The following LRRC36 variants were observed in gnomAD, a reference collection of about 807,000 sequenced individuals.
LRRC36 encodes leucine-rich repeat-containing protein 36.
In LRRC36, 62 loss-of-function variants were observed where a neutral mutation model predicts 81.1. The observed-to-expected ratio is 0.76, with a 90% confidence interval of 0.62 to 0.94. LRRC36 has a LOEUF of 0.94. Ranked by LOEUF, LRRC36 falls within the 40% of genes least tolerant of loss-of-function variation. LRRC36 has a pLI of 0.00. For missense variants in LRRC36, 761 were observed against 881.7 expected (o/e 0.86, Z 1.73); for synonymous variants, 334 against 348.6 (o/e 0.96, Z 0.47).
intron 1 of LRRC36, among the ~76,000 whole-genome samples, chr16:67,332,964 T>C (rs2037570855): frequency 6.6e-6 from 1 of 151,992 alleles, no homozygotes; most frequent in South Asian, 2.1e-4. Context: ...TGATCATGGC[T>C]CACTGCAGTC....
In LRRC36 at chr16:67,326,845, G is replaced by C; in HGVS notation, c.-18G>C. 2 of 1,428,522 alleles carry C rather than the reference G, an allele frequency of 1.4e-6. No individual in the cohort carries two copies. The highest frequency in any genetic ancestry group is 9.1e-7 in the Non-Finnish European group (1 of 1,100,410). The allele number at this position is 1,428,522 out of a possible 1,614,324, so 88.5% of individuals were successfully genotyped here. A position where few individuals can be genotyped will look rare whatever the true frequency, so the allele number is the denominator to read the frequency against. On this transcript the variant is annotated 5_prime_UTR_variant, in exon 1 of 14. Coordinates refer to ENST00000329956, the MANE Select transcript of LRRC36 (RefSeq NM_018296.6). The stretch of plus-strand genomic sequence containing the variant: ...CCGGGTGGTCTCGCGGGCGGTGGCA[G>C]GTGAGCGGCGGGCGGGGATGGCGGA...
chr16:67,363,058 C>G (rs994865901), intron 5 of LRRC36, among the ~76,000 whole-genome samples: 2 of 152,154 alleles, frequency 1.3e-5, no homozygotes, highest in Admixed American at 6.5e-5. Context: ...GCTGGGATTA[C>G]AGGCGTGAGC....
intron 1 of LRRC36, among the ~76,000 whole-genome samples, chr16:67,335,083 T>C (rs993358486): frequency 1.3e-5 from 2 of 152,196 alleles, no homozygotes; most frequent in African/African-American, 4.8e-5. Flanking sequence ...CGCATTGTCA[T>C]TGATAACATC....
chr16:67,368,794 A>G (rs1204659421), intron 8 of LRRC36, among the ~76,000 whole-genome samples: 1 of 152,176 alleles, frequency 6.6e-6, no homozygotes, highest in Non-Finnish European at 1.5e-5. Context: ...CTAGACAGAT[A>G]GCGGTGGAGG....
intron 5 of LRRC36, among the ~76,000 whole-genome samples, chr16:67,357,001 C>G (rs1250400375): frequency 6.6e-6 from 1 of 152,092 alleles, no homozygotes; most frequent in Non-Finnish European, 1.5e-5. Flanking sequence ...GTGAGGCATG[C>G]TTAAACGTGT....
chr16:67,360,322 G>A (rs191995590), intron 5 of LRRC36, among the ~76,000 whole-genome samples: 1 of 152,264 alleles, frequency 6.6e-6, no homozygotes, highest in East Asian at 1.9e-4. Context: ...AGTTCAGGCG[G>A]TAGGGGATTT....
intron 5 of LRRC36, among the ~76,000 whole-genome samples, chr16:67,362,927 G>A (rs148816880): frequency 0.027 from 4,064 of 152,020 alleles, 93 homozygotes; most frequent in South Asian, 0.063. Context: ...ATAGGCGCGC[G>A]CCACCACTCC....
chr16:67,342,293 A>G (rs1168001187), intron 2 of LRRC36, among the ~76,000 whole-genome samples: 1 of 152,186 alleles, frequency 6.6e-6, no homozygotes, highest in East Asian at 1.9e-4. Context: ...TTTATTTTAT[A>G]CTCTCGGAAA....
At chr16:67,327,115 A>C in intron 1 of LRRC36, 183 bp downstream of exon 1, 1 of 526,774 alleles carries the variant, frequency 1.9e-6, no homozygotes, top group Non-Finnish European at 3.2e-6. Context: ...AGGTGGAGGA[A>C]CTGAAGTAAC....
intron 2 of LRRC36, among the ~76,000 whole-genome samples, chr16:67,345,591 T>C (rs547359760): frequency 1.3e-5 from 2 of 152,156 alleles, no homozygotes; most frequent in East Asian, 3.9e-4. Flanking sequence ...ACTGACTGAT[T>C]GATTAAATGG....
At chr16:67,381,552 C>T (rs1447040100) in intron 12 of LRRC36, among the ~76,000 whole-genome samples, 1 of 152,166 alleles carries the variant, frequency 6.6e-6, no homozygotes, top group Non-Finnish European at 1.5e-5. Flanking sequence ...ATTGAATCCT[C>T]ATAACAGGGC....
At chr16:67,363,183 A>G (rs1268952560) in intron 5 of LRRC36, among the ~76,000 whole-genome samples, 2 of 152,200 alleles carry the variant, frequency 1.3e-5, no homozygotes, top group Non-Finnish European at 2.9e-5. Context: ...GGAGATGTAT[A>G]ATGCCAGGAG....
At chr16:67,363,971 G>A (rs1210236585) in intron 6 of LRRC36, among the ~76,000 whole-genome samples, 1 of 152,020 alleles carries the variant, frequency 6.6e-6, no homozygotes, top group African/African-American at 2.4e-5. Context: ...ATCTATGAAA[G>A]GCATTTTGGT....
At chr16:67,373,217 A>T (rs1249533720) in intron 9 of LRRC36, among the ~76,000 whole-genome samples, 1 of 152,204 alleles carries the variant, frequency 6.6e-6, no homozygotes, top group African/African-American at 2.4e-5. Context: ...AAACAAATAA[A>T]TAAATGTTAA....
chr16:67,364,351 C>T (rs1283804679), intron 6 of LRRC36, among the ~76,000 whole-genome samples: 1 of 152,186 alleles, frequency 6.6e-6, no homozygotes, highest in Non-Finnish European at 1.5e-5. Flanking sequence ...ACTTTATATT[C>T]ACCTTCTCCC....
In LRRC36 at chr16:67,367,067, A is replaced by T. The variant is rs758765144; in HGVS notation, c.805A>T (p.Met269Leu). The change falls in exon 8 of 14, where the codon ATG becomes TTG. Residue 269 changes from methionine (M) to leucine (L), a missense_variant. Physicochemically the swap from Met to Leu is conservative, Grantham distance 15. Transcript: ENST00000329956. The part of the protein sequence containing the change: ...RQSTVRSPEK[M>L]TREGYQVSFL... ...GTCCACAGTCCGATCCCCAGAGAAG[A>T]TGACTAGAGAAGGGTACCAAGTATC... 7 of 1,614,116 alleles carry T rather than the reference A, an allele frequency of 4.3e-6. No individual in the cohort carries two copies. The South Asian group carries it at 7.7e-5, about 18-fold the overall frequency.
rs148867225 is a variant in LRRC36 at position 67,354,157 on chromosome 16, A to G, written c.577+3867A>G. On this transcript the variant is annotated intron_variant, in intron 5 of 13. Coordinates refer to ENST00000329956, the MANE Select transcript of LRRC36 (RefSeq NM_018296.6). ...AATCAAACCACTCCTTCCTCCCCCA[A>G]ATAGTCCTTCCTTTCTCCCTCCTCT... Among the ~76,000 whole-genome samples, 1,304 of 151,950 alleles carry G rather than the reference A, an allele frequency of 8.6e-3. 8 individuals are homozygous for G. Among genetic ancestry groups the G allele is most frequent in the Admixed American group, 0.016 (239 of 15,256 alleles).
chr16:67,371,296 GA>G, intron 9 of LRRC36, 54 bp downstream of exon 9: 1 of 1,599,846 alleles, frequency 6.3e-7, no homozygotes, highest in Non-Finnish European at 8.6e-7. Context: ...TTCGAGACCA[GA>G]ATGAGGGTTC....
rs202205124 is a variant in LRRC36, at chr16:67,363,771, T to C, written c.702+57T>C. ...ACTAGTCAATGATTAATACTGATAA[T>C]TCAGTGGGCTCTCAATTATTTATGA... is the stretch of plus-strand genomic sequence containing the variant. On this transcript the variant is annotated intron_variant, in intron 6 of 13. Coordinates refer to ENST00000329956, the MANE Select transcript of LRRC36 (RefSeq NM_018296.6). 6.0e-4 allele frequency: 931 copies of C among 1,560,328 alleles called. 1 individual carries two copies. Among genetic ancestry groups the C allele is most frequent in the Admixed American group, 7.6e-4 (43 of 56,276 alleles).
Sources: allele counts gnomAD v4.1 joint callset (sites outside exome capture counted in the v4.1 genomes callset), GRCh38; gene constraint gnomAD v4.1.1; transcripts MANE v1.5; gene names NCBI Gene and HGNC (gene_info 2026-07-23, HGNC 2026-07-21).